Variants in BMP5 observed in about 807,000 individuals in gnomAD.
BMP5 encodes bone morphogenetic protein 5.
A neutral mutation model predicts 46.6 loss-of-function variants in BMP5; 23 were observed. The observed-to-expected ratio is 0.49, with a 90% confidence interval of 0.35 to 0.70. The LOEUF (loss-of-function observed/expected upper bound fraction) is 0.70, where lower values mean the gene tolerates loss of function less well. Ranked by LOEUF, BMP5 falls within the 30% of genes least tolerant of loss-of-function variation. BMP5 has a pLI of 0.00. For synonymous variants in BMP5, 204 were observed against 191.9 expected (o/e 1.06, Z -0.52); for missense variants, 545 against 565.6 (o/e 0.96, Z 0.37).
At chr6:55,759,360 A>G (rs1470710791) in intron 5 of BMP5, among the ~76,000 whole-genome samples, 2 of 151,722 alleles carry the variant, frequency 1.3e-5, no homozygotes, top group Non-Finnish European at 2.9e-5. Context: ...ATATTTTCAC[A>G]AGAAATTGTC....
intron 1 of BMP5, among the ~76,000 whole-genome samples, chr6:55,823,606 C>A (rs909302569): frequency 2.4e-4 from 37 of 152,012 alleles, no homozygotes; most frequent in African/African-American, 8.4e-4. Flanking sequence ...TCTAAGCCCT[C>A]ATTAACACAG....
intron 2 of BMP5, among the ~76,000 whole-genome samples, chr6:55,816,713 C>T (rs1776278193): frequency 6.6e-6 from 1 of 152,026 alleles, no homozygotes; most frequent in Non-Finnish European, 1.5e-5. Flanking sequence ...AACTAGCATT[C>T]CATAGGATAT....
At chr6:55,834,055 G>A (rs892347614) in intron 1 of BMP5, among the ~76,000 whole-genome samples, 5 of 152,234 alleles carry the variant, frequency 3.3e-5, no homozygotes, top group African/African-American at 4.8e-5. Flanking sequence ...TTGGGCACAC[G>A]ATTGGGGAAC....
At chr6:55,815,190 C>A (rs1428081624) in intron 2 of BMP5, among the ~76,000 whole-genome samples, 2 of 148,668 alleles carry the variant, frequency 1.3e-5, no homozygotes, top group Non-Finnish European at 3.0e-5. Flanking sequence ...GTGAATATTT[C>A]AGGATTGAAA....
At chr6:55,793,957 T>G (rs1775639552) in intron 3 of BMP5, among the ~76,000 whole-genome samples, 1 of 152,182 alleles carries the variant, frequency 6.6e-6, no homozygotes, top group Non-Finnish European at 1.5e-5. Context: ...CCACCACAAC[T>G]ATATTATTTT....
At chr6:55,801,404 G>A (rs1344514783) in intron 2 of BMP5, among the ~76,000 whole-genome samples, 6 of 152,144 alleles carry the variant, frequency 3.9e-5, no homozygotes, top group South Asian at 2.1e-4. Context: ...AGGACTTGGC[G>A]GCTAGAAAGT....
At chr6:55,814,239 AAGGT>A (rs1343993154) in intron 2 of BMP5, among the ~76,000 whole-genome samples, 1 of 152,144 alleles carries the variant, frequency 6.6e-6, no homozygotes, top group Non-Finnish European at 1.5e-5. Context: ...TCTTTACATA[AAGGT>A]AGGTGTCAGA....
At chr6:55,789,404 A>T (rs567170800) in intron 3 of BMP5, among the ~76,000 whole-genome samples, 1 of 152,156 alleles carries the variant, frequency 6.6e-6, no homozygotes, top group East Asian at 1.9e-4. Flanking sequence ...GGCTTAAGCT[A>T]TATAAAGCAT....
chr6:55,801,977 C>A (rs756267229), intron 2 of BMP5, among the ~76,000 whole-genome samples: 16 of 152,180 alleles, frequency 1.1e-4, no homozygotes, highest in Admixed American at 2.0e-4. Flanking sequence ...CAATATTTTA[C>A]AAGAATGAAC....
At chr6:55,821,222 G>A (rs1247217621) in intron 1 of BMP5, among the ~76,000 whole-genome samples, 1 of 152,098 alleles carries the variant, frequency 6.6e-6, no homozygotes, top group Non-Finnish European at 1.5e-5. Context: ...CCTGACAAAG[G>A]AACCCACAAT....
rs994392969 is a variant in BMP5 at position 55,758,877 on chromosome 6, A to T, written c.1215+128T>A. On this transcript the variant is annotated intron_variant, in intron 6 of 6. Coordinates refer to ENST00000370830, the MANE Select transcript of BMP5 (RefSeq NM_021073.4). ...CCCACAGTTGTTACTTCAGCTCTAA[A>T]AAGAAACAAATGAGTTTGAGAAGAT... The T allele has an allele frequency of 7.9e-6, 6 of 755,316 alleles. No homozygotes were observed. The African/African-American group carries it at 8.7e-5, about 11-fold the overall frequency. The allele number at this position is 755,316 out of a possible 1,614,324, so 46.8% of individuals were successfully genotyped here.
rs779848567 is a variant in BMP5 at position 55,874,716 on chromosome 6, T to G, written c.150A>C (p.Glu50Asp). The change falls in exon 1 of 7, where the codon GAA (glutamate) becomes GAC (aspartate). Residue 50 changes from glutamate (E) to aspartate (D), a missense_variant. Glu to Asp is a conservative substitution (Grantham distance 45). Coordinates refer to ENST00000370830, the MANE Select transcript of BMP5 (RefSeq NM_021073.4). ...YRRLRNHERR[E>D]IQREILSILG... ...AGATAGAGAGAATTTCCCTTTGTAT[T>G]TCCCGTCTTTCGTGGTTCCGTAGTC... 6.2e-7 allele frequency: 1 copy of G among 1,613,570 alleles called. No homozygotes were observed. Among genetic ancestry groups the G allele is most frequent in the South Asian group, 1.1e-5 (1 of 91,082 alleles).
chr6:55,774,363 C>T, intron 3 of BMP5, 120 bp from the exon 4 acceptor site: 2 of 871,890 alleles, frequency 2.3e-6, no homozygotes, highest in South Asian at 1.5e-5. Flanking sequence ...AGAATGCCTT[C>T]CTTACAGGCC....
At chr6:55,847,706 A>C (rs1777133151) in intron 1 of BMP5, among the ~76,000 whole-genome samples, 3 of 152,054 alleles carry the variant, frequency 2.0e-5, no homozygotes, top group African/African-American at 7.2e-5. Context: ...ATCTACAGGA[A>C]TGTCCAAAAG....
At chr6:55,781,222 T>G (rs1164466681) in intron 3 of BMP5, among the ~76,000 whole-genome samples, 3 of 152,114 alleles carry the variant, frequency 2.0e-5, no homozygotes, top group Non-Finnish European at 4.4e-5. Context: ...GTAGAAACAT[T>G]CTTTTCACAA....
intron 4 of BMP5, among the ~76,000 whole-genome samples, chr6:55,766,860 C>A (rs1045878208): frequency 6.6e-6 from 1 of 151,912 alleles, no homozygotes; most frequent in Non-Finnish European, 1.5e-5. Flanking sequence ...ATTTCTACAA[C>A]CTGAAATGGT....
intron 2 of BMP5, among the ~76,000 whole-genome samples, chr6:55,818,096 TATCGGGAGGTGCC>T (rs1776320648): frequency 6.6e-6 from 1 of 152,166 alleles, no homozygotes; most frequent in Non-Finnish European, 1.5e-5. Flanking sequence ...ATGTCAGGAA[TATCGGGAGGTGCC>T]ATTAGGCTGG....
intron 2 of BMP5, among the ~76,000 whole-genome samples, chr6:55,796,416 C>G (rs577965220): frequency 6.6e-6 from 1 of 152,064 alleles, no homozygotes; most frequent in East Asian, 1.9e-4. Flanking sequence ...AATCCCAAAA[C>G]TTTCCAGCAT....
At chr6:55,842,297 A>T (rs888718421) in intron 1 of BMP5, among the ~76,000 whole-genome samples, 2 of 151,914 alleles carry the variant, frequency 1.3e-5, no homozygotes, top group Admixed American at 1.3e-4. Context: ...CCTTTCTGGG[A>T]CCCTAACCGA....
Sources: gnomAD v4.1 joint callset for allele counts (sites outside exome capture counted in the v4.1 genomes callset) on GRCh38, gnomAD v4.1.1 for gene constraint, MANE v1.5 for transcripts, NCBI Gene and HGNC (gene_info 2026-07-23, HGNC 2026-07-21) for gene names.